CERS6: variants seen among roughly 807,000 people sequenced by gnomAD.
The protein encoded by CERS6 is ceramide synthase 6.
Under a neutral mutation model 56.8 loss-of-function variants are expected in CERS6, and 26 were observed. That is an observed-to-expected ratio of 0.46 (90% CI 0.34 to 0.63). CERS6 has a LOEUF of 0.63. CERS6 is among the 30% of genes least tolerant of loss of function. CERS6 has a pLI of 0.01. For missense variants in CERS6, 415 were observed against 467.5 expected (o/e 0.89, Z 1.04); for synonymous variants, 164 against 173.3 (o/e 0.95, Z 0.42).
At chr2:168,533,546 G>A (rs113461856) in intron 1 of CERS6, among the ~76,000 whole-genome samples, 28,865 of 152,144 alleles carry the variant, frequency 0.19, 2,963 homozygotes, top group Non-Finnish European at 0.24. Flanking sequence ...TCCAGCTTTT[G>A]CCCATTCGGT....
At chr2:168,682,340 A>G (rs1686239371) in intron 4 of CERS6, among the ~76,000 whole-genome samples, 4 of 152,230 alleles carry the variant, frequency 2.6e-5, no homozygotes, top group Admixed American at 2.6e-4. Context: ...CCCTGAAATA[A>G]TTATTACTCA....
intron 8 of CERS6, among the ~76,000 whole-genome samples, chr2:168,748,926 T>A (rs1275279881): frequency 6.6e-6 from 1 of 151,786 alleles, no homozygotes; most frequent in Non-Finnish European, 1.5e-5. Context: ...GGGAAGCAGA[T>A]CTCTTGTGTC....
At chr2:168,477,232 C>A (rs1053435134) in intron 1 of CERS6, among the ~76,000 whole-genome samples, 2 of 146,006 alleles carry the variant, frequency 1.4e-5, no homozygotes, top group African/African-American at 5.3e-5. Flanking sequence ...TCATAGGGCA[C>A]TAATTCCATT....
chr2:168,698,236 G>GA (rs1214508784), intron 6 of CERS6, among the ~76,000 whole-genome samples: 98 of 124,936 alleles, frequency 7.8e-4, no homozygotes, highest in African/African-American at 2.5e-3. Flanking sequence ...TGTCTCACAG[G>GA]AAAAAAAAAA....
rs550214023 is a variant in CERS6 at position 168,457,044 on chromosome 2, A to G, written c.170+426A>G. The stretch of plus-strand genomic sequence containing the variant: ...CGCGCCACCCACCTGACAGCCAGGA[A>G]CGTTCCGGACGCGCGGCCCGGAGGG... On this transcript the variant is annotated intron_variant, in intron 1 of 9. Coordinates refer to ENST00000305747, the MANE Select transcript of CERS6 (RefSeq NM_203463.3). Among the ~76,000 whole-genome samples the G allele has an allele frequency of 8.5e-5, 13 of 152,300 alleles. No homozygotes were observed. The South Asian group carries it at 2.7e-3, about 32-fold the overall frequency.
intron 3 of CERS6, among the ~76,000 whole-genome samples, chr2:168,572,643 C>T (rs907280738): frequency 1.3e-5 from 2 of 152,118 alleles, no homozygotes; most frequent in Non-Finnish European, 2.9e-5. Context: ...TGACAGCCTC[C>T]TTTCTCTTTC....
intron 8 of CERS6, among the ~76,000 whole-genome samples, chr2:168,718,887 G>A (rs1035149942): frequency 1.3e-5 from 2 of 152,200 alleles, no homozygotes; most frequent in Non-Finnish European, 2.9e-5. Flanking sequence ...CCCTGCACAG[G>A]TAGAGGCAGA....
chr2:168,607,086 G>T (rs1684070185), intron 3 of CERS6, among the ~76,000 whole-genome samples: 1 of 151,902 alleles, frequency 6.6e-6, no homozygotes, highest in Admixed American at 6.5e-5. Flanking sequence ...ATGCAAGAAT[G>T]GACTATTACA....
In CERS6 at chr2:168,713,491, GAC is replaced by G. The variant is rs1438284906; in HGVS notation, c.610-1507_610-1506del. 6.6e-5 allele frequency among the ~76,000 whole-genome samples: 10 copies of G among 152,150 alleles called. No homozygotes were observed. The South Asian group carries it at 1.7e-3, about 25-fold the overall frequency. ...ATTAGATAAAAGTATGAGTAAAAGAGACACTATATTTCTAAGCAACAGAAATT... is the reference window on the plus strand; with the variant it reads ...ATTAGATAAAAGTATGAGTAAAAGAGACTATATTTCTAAGCAACAGAAATT... On this transcript the variant is annotated intron_variant, in intron 6 of 9. Transcript: ENST00000305747.
chr2:168,662,730 C>T (rs1396988916), intron 4 of CERS6, among the ~76,000 whole-genome samples: 1 of 149,426 alleles, frequency 6.7e-6, no homozygotes, highest in Non-Finnish European at 1.5e-5. Context: ...GAAACCCTGT[C>T]TCAAACAAAC....
intron 8 of CERS6, among the ~76,000 whole-genome samples, chr2:168,754,654 A>C (rs113476360): frequency 0.019 from 2,841 of 152,348 alleles, 85 homozygotes; most frequent in African/African-American, 0.06. Context: ...AGAGATTTTT[A>C]GGCAGCAGAG....
intron 3 of CERS6, among the ~76,000 whole-genome samples, chr2:168,569,262 A>G (rs1050506387): frequency 1.3e-5 from 2 of 152,082 alleles, no homozygotes; most frequent in Non-Finnish European, 2.9e-5. Context: ...TCCTACCCTT[A>G]TGACCTAATT....
intron 3 of CERS6, among the ~76,000 whole-genome samples, chr2:168,567,302 T>C (rs927734473): frequency 1.3e-5 from 2 of 152,260 alleles, no homozygotes; most frequent in Non-Finnish European, 2.9e-5. Flanking sequence ...TAAACAGTTT[T>C]ATATCTGTGG....
chr2:168,723,089 A>G (rs958829206), intron 8 of CERS6, among the ~76,000 whole-genome samples: 2 of 152,206 alleles, frequency 1.3e-5, no homozygotes, highest in African/African-American at 4.8e-5. Context: ...GCCCATCACT[A>G]CACTGCCCAC....
At chr2:168,571,941 T>A (rs760820160) in intron 3 of CERS6, among the ~76,000 whole-genome samples, 1 of 152,234 alleles carries the variant, frequency 6.6e-6, no homozygotes, top group African/African-American at 2.4e-5. Flanking sequence ...ATTTACAATG[T>A]CCTAGCAGTG....
intron 3 of CERS6, among the ~76,000 whole-genome samples, chr2:168,618,804 C>G (rs1684388709): frequency 6.6e-6 from 1 of 152,074 alleles, no homozygotes; most frequent in Non-Finnish European, 1.5e-5. Flanking sequence ...GACCATACTG[C>G]CAAAAGCAAT....
At chr2:168,474,229 T>G (rs2105327291) in intron 1 of CERS6, among the ~76,000 whole-genome samples, 2 of 152,314 alleles carry the variant, frequency 1.3e-5, no homozygotes. Flanking sequence ...TGTGGGTGTT[T>G]CCTAGTTGAT....
intron 3 of CERS6, among the ~76,000 whole-genome samples, chr2:168,620,160 A>G (rs1184168866): frequency 3.9e-5 from 6 of 151,958 alleles, no homozygotes; most frequent in African/African-American, 1.4e-4. Context: ...CTATTATTCT[A>G]AGTGAAGTAA....
intron 4 of CERS6, among the ~76,000 whole-genome samples, chr2:168,667,584 CT>C (rs202124665): frequency 1.3e-5 from 2 of 151,472 alleles, no homozygotes; most frequent in African/African-American, 2.4e-5. Context: ...TTTTTTCTAT[CT>C]TTTTTTTTAA....
Sources: gnomAD v4.1 joint callset for allele counts (sites outside exome capture counted in the v4.1 genomes callset) on GRCh38, gnomAD v4.1.1 for gene constraint, MANE v1.5 for transcripts, NCBI Gene and HGNC (gene_info 2026-07-23, HGNC 2026-07-21) for gene names.